The following MOSPD2 variants were observed in gnomAD, a reference collection of about 807,000 sequenced individuals.
MOSPD2 encodes motile sperm domain-containing protein 2.
MOSPD2 carries 5 observed loss-of-function variants against 41.7 expected under a neutral mutation model. The ratio of observed to expected loss-of-function variants is 0.12; its 90% confidence interval spans 0.06 to 0.25. The LOEUF (loss-of-function observed/expected upper bound fraction) is 0.25. MOSPD2 is among the 10% of genes least tolerant of loss of function. The pLI is 1.00. For synonymous variants in MOSPD2, 115 were observed against 126.9 expected (o/e 0.91, Z 0.63); for missense variants, 282 against 375.2 (o/e 0.75, Z 2.05).
chrX:14,902,826 T>C (rs1332944116), intron 6 of MOSPD2, 140 bp from the exon 7 acceptor site: 2 of 480,099 alleles, frequency 4.2e-6, no homozygotes, highest in Non-Finnish European at 3.7e-6. Flanking sequence ...CATGATACTA[T>C]ACACTTCACT....
chrX:14,910,077 GAT>G (rs1303916537), intron 8 of MOSPD2, among the ~76,000 whole-genome samples: 2 of 110,320 alleles, frequency 1.8e-5, no homozygotes, highest in Admixed American at 9.7e-5. Flanking sequence ...TGTCCTTAGT[GAT>G]ATGTTTCTTC....
chrX:14,888,258 A>T (rs755652163), intron 2 of MOSPD2, among the ~76,000 whole-genome samples: 1 of 107,030 alleles, frequency 9.3e-6, no homozygotes, highest in Non-Finnish European at 1.9e-5. Context: ...ACCTTTTTAT[A>T]AAACTGAACC....
At chrX:14,880,694 G>A (rs2092529856) in intron 2 of MOSPD2, among the ~76,000 whole-genome samples, 1 of 111,882 alleles carries the variant, frequency 8.9e-6, no homozygotes, top group South Asian at 3.6e-4. Flanking sequence ...CATCATGATT[G>A]ATGATTGAGT....
At position 14,897,132 on chromosome X, in the gene MOSPD2, A is replaced by G; in HGVS notation, c.371A>G (p.Asp124Gly). ...GTAAAAGACCAGAAAACCATATTGG[A>G]CAAAAAGAAGCTCATAGCATTCTGG... ...YHVKDQKTIL[D>G]KKKLIAFWLE... Residue 124 changes from aspartate (D) to glycine (G), a missense_variant, in exon 5 of 15, where the codon GAC becomes GGC. Asp to Gly is a moderately conservative substitution (Grantham distance 94). Transcript: ENST00000380492. The G allele has an allele frequency of 8.3e-7, 1 of 1,207,863 alleles. No individual in the cohort carries two copies. Among genetic ancestry groups the G allele is most frequent in the Non-Finnish European group, 1.1e-6 (1 of 892,526 alleles).
chrX:14,920,129 A>C lies in MOSPD2; in HGVS notation c.*320A>C. 2 of 743,918 alleles carry C rather than the reference A, an allele frequency of 2.7e-6. No homozygotes were observed. The highest frequency in any genetic ancestry group is 3.2e-6 in the Non-Finnish European group (2 of 625,545). The allele number at this position is 743,918 out of a possible 1,213,427, so 61.3% of individuals were successfully genotyped here. On this transcript the variant is annotated 3_prime_UTR_variant, in exon 15 of 15. Coordinates refer to ENST00000380492, the MANE Select transcript of MOSPD2 (RefSeq NM_152581.4). Reference sequence around the variant, plus strand: ...TTTTAAAGCTTAAGTTTTATCGTGTAAATACATTAGCTAAACTGAAAAGTA... The same window carrying C: ...TTTTAAAGCTTAAGTTTTATCGTGTCAATACATTAGCTAAACTGAAAAGTA...
In MOSPD2 at chrX:14,909,601, C is replaced by A. The variant is rs182626734; in HGVS notation, c.702+617C>A. On this transcript the variant is annotated intron_variant, in intron 8 of 14. Coordinates refer to ENST00000380492, the MANE Select transcript of MOSPD2 (RefSeq NM_152581.4). ...AAAGATACTATTAAGCATATACTAT[C>A]CAGATTTTTTTGAGCTGATTTTTAC... Among the ~76,000 whole-genome samples, 260 of 111,567 alleles carry A rather than the reference C, an allele frequency of 2.3e-3. 1 individual carries two copies. The highest frequency in any genetic ancestry group is 7.5e-3 in the African/African-American group (232 of 30,783).
At chrX:14,913,488 C>G (rs745350610) in intron 10 of MOSPD2, among the ~76,000 whole-genome samples, 14 of 111,855 alleles carry the variant, frequency 1.3e-4, no homozygotes, top group African/African-American at 3.9e-4. Flanking sequence ...AGTTGTTGTG[C>G]TGGTTACTAA....
At chrX:14,908,006 C>T (rs930264455) in intron 7 of MOSPD2, among the ~76,000 whole-genome samples, 1 of 111,180 alleles carries the variant, frequency 9.0e-6, no homozygotes, top group African/African-American at 3.3e-5. Context: ...GATACTTCTC[C>T]GAACCATTTA....
rs41297321 is a variant in MOSPD2, at chrX:14,914,529, G to T, written c.1019G>T (p.Ser340Ile). Residue 340 changes from serine (S) to isoleucine (I), a missense_variant, in exon 11 of 15, where the codon AGT becomes ATT. By Grantham distance (142) the Ser-to-Ile change is moderately radical. Transcript: ENST00000380492. ...ISPAEELYFG[S>I]TESGEKKTLI... is the part of the protein sequence containing the mutation. ...CCAGCAGAAGAACTGTACTTTGGAA[G>T]TACAGAATCCGGAGAGAAGAAAACC... The T allele has an allele frequency of 8.4e-7, 1 of 1,196,104 alleles. No individual in the cohort carries two copies. The highest frequency in any genetic ancestry group is 3.0e-5 in the East Asian group (1 of 33,428).
At chrX:14,908,104 A>C (rs1163692585) in intron 7 of MOSPD2, among the ~76,000 whole-genome samples, 1 of 111,543 alleles carries the variant, frequency 9.0e-6, no homozygotes, top group Non-Finnish European at 1.9e-5. Context: ...TTTCTTAAAA[A>C]TGTACTTAGA....
chrX:14,918,673 T>C lies in MOSPD2; in HGVS notation c.1317-7T>C, dbSNP rs2092604288. The stretch of plus-strand genomic sequence containing the variant: ...TAAGAAGTTATGTTTTCTTTGGATT[T>C]TAATAGGTTAAGATGCCATACTGTT... On this transcript the variant is annotated splice_region_variant and splice_polypyrimidine_tract_variant and intron_variant, in intron 13 of 14. Transcript: ENST00000380492. 1 of 1,117,810 alleles carries C rather than the reference T, an allele frequency of 8.9e-7. No individual in the cohort carries two copies. Among genetic ancestry groups the C allele is most frequent in the Admixed American group, 2.8e-5 (1 of 35,773 alleles). 92.1% of individuals were successfully genotyped at this position (1,117,810 alleles called of 1,213,427 possible).
chrX:14,875,053 G>A (rs139120857), intron 2 of MOSPD2, among the ~76,000 whole-genome samples: 4,505 of 111,965 alleles, frequency 0.04, 95 homozygotes, highest in Non-Finnish European at 0.058. Context: ...GCCCAAGGGA[G>A]GAAGCAGAAT....
At chrX:14,888,270 T>C (rs765765201) in intron 2 of MOSPD2, among the ~76,000 whole-genome samples, 30 of 105,861 alleles carry the variant, frequency 2.8e-4, no homozygotes. Flanking sequence ...AACTGAACCC[T>C]TCTGATATGG....
At chrX:14,896,666 C>T (rs1293219447) in intron 4 of MOSPD2, among the ~76,000 whole-genome samples, 1 of 112,741 alleles carries the variant, frequency 8.9e-6, no homozygotes, top group East Asian at 2.8e-4. Flanking sequence ...AACAGTTTAC[C>T]GTGCTCCACA....
intron 3 of MOSPD2, among the ~76,000 whole-genome samples, chrX:14,893,911 G>A (rs2092558344): frequency 8.9e-6 from 1 of 111,833 alleles, no homozygotes; most frequent in Admixed American, 9.5e-5. Flanking sequence ...CTATTTCCTG[G>A]TGAAAAATAG....
At chrX:14,891,809 C>T (rs375174813) in intron 2 of MOSPD2, among the ~76,000 whole-genome samples, 7 of 110,549 alleles carry the variant, frequency 6.3e-5, no homozygotes, top group African/African-American at 2.0e-4. Flanking sequence ...TCAGGTGATC[C>T]GCCTGCCTCA....
intron 2 of MOSPD2, among the ~76,000 whole-genome samples, chrX:14,881,198 T>A (rs971493661): frequency 9.0e-6 from 1 of 110,937 alleles, no homozygotes; most frequent in Non-Finnish European, 1.9e-5. Flanking sequence ...CTGTTGGTAG[T>A]AAACTTTCTT....
intron 10 of MOSPD2, 76 bp downstream of exon 10, chrX:14,912,437 A>G: frequency 1.5e-6 from 1 of 663,825 alleles, no homozygotes; most frequent in South Asian, 4.2e-5. Flanking sequence ...AAAATTAAGA[A>G]AACTTCTATT....
intron 7 of MOSPD2, among the ~76,000 whole-genome samples, chrX:14,904,682 G>A (rs2092578776): frequency 8.9e-6 from 1 of 111,746 alleles, no homozygotes; most frequent in Admixed American, 9.5e-5. Context: ...TAAGGTGTAG[G>A]GCAGAGTCCA....
Sources: gnomAD v4.1 joint callset for allele counts (sites outside exome capture counted in the v4.1 genomes callset) on GRCh38, gnomAD v4.1.1 for gene constraint, MANE v1.5 for transcripts, NCBI Gene and HGNC (gene_info 2026-07-23, HGNC 2026-07-21) for gene names.